The following OPHN1 variants were observed in gnomAD, a reference collection of about 807,000 sequenced individuals.
OPHN1 encodes oligophrenin 1, also known as oligophrenin-1.
A neutral mutation model predicts 60.7 loss-of-function variants in OPHN1; 11 were observed. That is an observed-to-expected ratio of 0.18 (90% CI 0.11 to 0.30). OPHN1 has a LOEUF of 0.30. Among genes scored for constraint, OPHN1 ranks in the 10% least tolerant of loss-of-function variants. The pLI, the probability that OPHN1 is intolerant of heterozygous loss-of-function variation, is 1.00. For missense variants in OPHN1, 449 were observed against 611.0 expected, an observed-to-expected ratio of 0.73 and a Z score of 2.80; for synonymous variants, 226 against 222.6, an observed-to-expected ratio of 1.02 and a Z score of -0.14.
At chrX:68,243,751 A>C (rs970444246) in intron 5 of OPHN1, among the ~76,000 whole-genome samples, 2 of 111,640 alleles carry the variant, frequency 1.8e-5, no homozygotes, top group African/African-American at 6.5e-5. Context: ...CTCAAACTCA[A>C]ATCTTGGTTC....
rs764342332 is a variant in OPHN1 at position 68,429,559 on chromosome X, T to TA, written c.154+3307dup. Among the ~76,000 whole-genome samples the TA allele has an allele frequency of 8.2e-5, 9 of 109,995 alleles. No homozygotes were observed. In the South Asian group the frequency reaches 3.5e-3, roughly 43 times the overall value. ...GGCGAGATCAGTGAGACCCAGTTTC[T>TA]AAAAAAAATTAAAAATTAGCCAGGC... On this transcript the variant is annotated intron_variant, in intron 2 of 24. Transcript: ENST00000355520.
chrX:68,431,317 T>C (rs1351539890), intron 2 of OPHN1, among the ~76,000 whole-genome samples: 1 of 112,225 alleles, frequency 8.9e-6, no homozygotes, highest in East Asian at 2.8e-4. Context: ...TGACCAAAAG[T>C]GGGCAGAGAG....
At chrX:68,149,896 C>A (rs554139298) in intron 15 of OPHN1, among the ~76,000 whole-genome samples, 11 of 111,308 alleles carry the variant, frequency 9.9e-5, no homozygotes, top group East Asian at 5.6e-4. Context: ...GCGGAAACAG[C>A]TCAAATGTTC....
At chrX:68,169,134 T>C (rs955382355) in intron 15 of OPHN1, among the ~76,000 whole-genome samples, 5 of 111,056 alleles carry the variant, frequency 4.5e-5, no homozygotes, top group Non-Finnish European at 9.4e-5. Flanking sequence ...TATACACCAA[T>C]AACAGACAAA....
intron 2 of OPHN1, among the ~76,000 whole-genome samples, chrX:68,417,556 T>G (rs2078805578): frequency 8.9e-6 from 1 of 112,800 alleles, no homozygotes. Flanking sequence ...CCCATATACT[T>G]ATTTCTACTT....
chrX:68,053,092 T>C (rs760536305), intron 22 of OPHN1, among the ~76,000 whole-genome samples: 1 of 111,860 alleles, frequency 8.9e-6, no homozygotes, highest in East Asian at 2.8e-4. Flanking sequence ...AGCACTGCTG[T>C]GGTCCCACCC....
In OPHN1 at chrX:68,253,782, C is replaced by T. The variant is rs181217119; in HGVS notation, c.385-19194G>A. ...TACTATATTGACTTCTGATTAACCT[C>T]TGTTCTGGAAATGCCTCTAAGATTT... On this transcript the variant is annotated intron_variant, in intron 5 of 24. Transcript: ENST00000355520. Among the ~76,000 whole-genome samples, 628 of 111,993 alleles carry T rather than the reference C, an allele frequency of 5.6e-3. 7 individuals are homozygous for T. Among genetic ancestry groups the T allele is most frequent in the African/African-American group, 0.019 (595 of 30,879 alleles).
At chrX:68,265,817 G>A (rs1268067369) in intron 5 of OPHN1, among the ~76,000 whole-genome samples, 1 of 111,188 alleles carries the variant, frequency 9.0e-6, no homozygotes, top group South Asian at 3.9e-4. Context: ...AATAACCAAT[G>A]CAGAGAACTC....
At chrX:68,209,992 C>CTTTTTTTTTTTTTTTTTTTTTT in intron 9 of OPHN1, 161 bp downstream of exon 9, 2 of 447,204 alleles carry the variant, frequency 4.5e-6, no homozygotes, top group Non-Finnish European at 3.8e-6. Context: ...TCAGTTTCTC[C>CTTTTTTTTTTTTTTTTTTTTTT]TTTTTTTTTT....
At chrX:68,416,319 T>C (rs1489208477) in intron 2 of OPHN1, among the ~76,000 whole-genome samples, 1 of 109,511 alleles carries the variant, frequency 9.1e-6, no homozygotes, top group African/African-American at 3.3e-5. Context: ...GCTGGTATTA[T>C]ATATATACCA....
At chrX:68,302,819 G>C (rs1386885113) in intron 2 of OPHN1, among the ~76,000 whole-genome samples, 1 of 110,565 alleles carries the variant, frequency 9.0e-6, no homozygotes, top group East Asian at 2.9e-4. Context: ...AGCTACTTGA[G>C]AGGCTGAGGC....
chrX:68,249,497 T>C (rs768836672), intron 5 of OPHN1, among the ~76,000 whole-genome samples: 6 of 111,882 alleles, frequency 5.4e-5, no homozygotes, highest in African/African-American at 9.8e-5. Flanking sequence ...AATAAGCATC[T>C]GTCCTAGCCA....
At chrX:68,300,182 T>C (rs1288874513) in intron 2 of OPHN1, among the ~76,000 whole-genome samples, 2 of 111,580 alleles carry the variant, frequency 1.8e-5, no homozygotes, top group African/African-American at 6.5e-5. Context: ...TCCTCCTCCA[T>C]CCTGCATTTT....
chrX:68,258,888 T>A (rs1418731656), intron 5 of OPHN1, among the ~76,000 whole-genome samples: 1 of 112,070 alleles, frequency 8.9e-6, no homozygotes, highest in Non-Finnish European at 1.9e-5. Flanking sequence ...TTCTCTTGCA[T>A]CTTTCTGAAC....
At chrX:68,227,899 T>C (rs2147513876) in intron 6 of OPHN1, among the ~76,000 whole-genome samples, 1 of 109,411 alleles carries the variant, frequency 9.1e-6, no homozygotes, top group East Asian at 2.9e-4. Context: ...AAGAAATAAC[T>C]AAGATCAGAG....
intron 6 of OPHN1, among the ~76,000 whole-genome samples, chrX:68,228,982 G>A (rs954905709): frequency 9.0e-6 from 1 of 111,347 alleles, no homozygotes; most frequent in Non-Finnish European, 1.9e-5. Flanking sequence ...GTCCCTGTTT[G>A]CAGATGACAT....
At chrX:68,247,048 TTTGAAAAC>T (rs1194074836) in intron 5 of OPHN1, among the ~76,000 whole-genome samples, 1 of 111,606 alleles carries the variant, frequency 9.0e-6, no homozygotes, top group African/African-American at 3.3e-5. Flanking sequence ...CAACGCGTAC[TTTGAAAAC>T]TTTCTTTGTA....
rs2077743782 is a variant in OPHN1 at position 68,234,561 on chromosome X, C to T, written c.412G>A (p.Gly138Ser). 1 of 1,207,889 alleles carries T rather than the reference C, an allele frequency of 8.3e-7. No homozygotes were observed. Among genetic ancestry groups the T allele is most frequent in the Non-Finnish European group, 1.1e-6 (1 of 892,087 alleles). ...TCCAGTAAAGAATAAAACCTCTCACCATCCTTTTCAAATTTCTTTTTCCGC... is the reference window on the plus strand; with the variant it reads ...TCCAGTAAAGAATAAAACCTCTCACTATCCTTTTCAAATTTCTTTTTCCGC... ...KERKKKFEKD[G>S]ERFYSLLDRH... Residue 138 changes from glycine (G) to serine (S), a missense_variant, in exon 6 of 25, where the codon GGT becomes AGT. Around this residue, in one of 4 missense-constraint regions of OPHN1, gnomAD observed 99 missense variants for 155.2 expected, o/e 0.64. Transcript: ENST00000355520.
intron 2 of OPHN1, among the ~76,000 whole-genome samples, chrX:68,366,863 T>A (rs772336262): frequency 1.8e-5 from 2 of 111,632 alleles, no homozygotes; most frequent in African/African-American, 6.5e-5. Flanking sequence ...CTTACAACTA[T>A]CCTTTGAGGT....
Sources: gnomAD v4.1 joint callset for allele counts (sites outside exome capture counted in the v4.1 genomes callset) on GRCh38, gnomAD v4.1.1 for gene constraint, gnomAD v4.1.1 regional missense constraint, MANE v1.5 for transcripts, NCBI Gene and HGNC (gene_info 2026-07-23, HGNC 2026-07-21) for gene names.